The following COLEC10 variants were observed in gnomAD, a reference collection of about 807,000 sequenced individuals.
The protein encoded by COLEC10 is collectin subfamily member 10.
COLEC10 carries 22 observed loss-of-function variants against 28.4 expected under a neutral mutation model. The ratio of observed to expected loss-of-function variants is 0.78; its 90% CI spans 0.55 to 1.11. The LOEUF (loss-of-function observed/expected upper bound fraction) is 1.11. Ranked by LOEUF, COLEC10 falls within the 50% of genes least tolerant of loss-of-function variation. The pLI is 0.00. For synonymous variants in COLEC10, 125 were observed against 116.1 expected (o/e 1.08, Z -0.49); for missense variants, 361 against 344.1 (o/e 1.05, Z -0.39).
the COLEC10 span, among the ~76,000 whole-genome samples, chr8:118,953,116 T>A: frequency 6.6e-6 from 1 of 152,158 alleles, no homozygotes; most frequent in Non-Finnish European, 1.5e-5. Context: ...CCAAGGGACA[T>A]CCTTCCACCA....
At chr8:119,027,725 C>T (rs1326895582) in intron 2 of COLEC10, among the ~76,000 whole-genome samples, 1 of 152,170 alleles carries the variant, frequency 6.6e-6, no homozygotes, top group Non-Finnish European at 1.5e-5. Context: ...AAAATATCTT[C>T]TTTTCTATGA....
chr8:119,096,105 A>G (rs1050881261), intron 3 of COLEC10, among the ~76,000 whole-genome samples: 1 of 152,170 alleles, frequency 6.6e-6, no homozygotes, highest in Non-Finnish European at 1.5e-5. Flanking sequence ...CCTAAAATCA[A>G]TGGTTTATAG....
the COLEC10 span, among the ~76,000 whole-genome samples, chr8:118,980,576 T>C: frequency 6.6e-6 from 1 of 152,104 alleles, no homozygotes; most frequent in Non-Finnish European, 1.5e-5. Context: ...TTGTAGTTTA[T>C]TAAGAGTTGT....
chr8:118,981,276 A>G, the COLEC10 span, among the ~76,000 whole-genome samples: 1 of 151,468 alleles, frequency 6.6e-6, no homozygotes, highest in Non-Finnish European at 1.5e-5. Context: ...TTTTAAAACT[A>G]TCTGCAGAAT....
At chr8:119,088,658 T>C (rs1210634580) in intron 1 of COLEC10, among the ~76,000 whole-genome samples, 1 of 152,222 alleles carries the variant, frequency 6.6e-6, no homozygotes, top group Non-Finnish European at 1.5e-5. Context: ...GTGGTGATAA[T>C]GCAGGTATCT....
intron 3 of COLEC10, among the ~76,000 whole-genome samples, chr8:119,100,933 G>C (rs1815812986): frequency 6.6e-6 from 1 of 152,080 alleles, no homozygotes; most frequent in Non-Finnish European, 1.5e-5. Flanking sequence ...GTTTAGAAAG[G>C]CTCAACAAAT....
At chr8:118,969,337 T>C in the COLEC10 span, among the ~76,000 whole-genome samples, 1 of 152,040 alleles carries the variant, frequency 6.6e-6, no homozygotes, top group Non-Finnish European at 1.5e-5. Context: ...TGTGTGATAC[T>C]ATTGCAGCAA....
chr8:119,065,660 C>T (rs1814939771), upstream of COLEC10, among the ~76,000 whole-genome samples: 1 of 151,826 alleles, frequency 6.6e-6, no homozygotes, highest in African/African-American at 2.4e-5. Flanking sequence ...AGTTGGAGAC[C>T]AGCCTGGCCA....
At chr8:119,023,952 C>T (rs998233543) in intron 2 of COLEC10, among the ~76,000 whole-genome samples, 1 of 152,138 alleles carries the variant, frequency 6.6e-6, no homozygotes, top group Non-Finnish European at 1.5e-5. Flanking sequence ...AAATCAAAAC[C>T]TCATACGCAT....
chr8:118,991,645 A>G (rs1813508104), upstream of COLEC10, among the ~76,000 whole-genome samples: 1 of 152,048 alleles, frequency 6.6e-6, no homozygotes, highest in Admixed American at 6.6e-5. Context: ...TTGCTTTTCC[A>G]CTTGAACATA....
At chr8:118,956,731 T>C in the COLEC10 span, among the ~76,000 whole-genome samples, 1 of 152,180 alleles carries the variant, frequency 6.6e-6, no homozygotes, top group Non-Finnish European at 1.5e-5. Flanking sequence ...CTACACCTAC[T>C]CAGGTTTTCT....
intron 2 of COLEC10, among the ~76,000 whole-genome samples, chr8:119,049,569 C>T (rs1278850762): frequency 6.6e-6 from 1 of 151,760 alleles, no homozygotes; most frequent in Non-Finnish European, 1.5e-5. Context: ...CGCCCACCAC[C>T]ACACCCGGCT....
intron 5 of COLEC10, among the ~76,000 whole-genome samples, chr8:119,104,217 C>T (rs1815895237): frequency 6.6e-6 from 1 of 152,138 alleles, no homozygotes; most frequent in Admixed American, 6.6e-5. Context: ...ACAGAACTAG[C>T]ATCTCAGAAA....
intron 1 of COLEC10, among the ~76,000 whole-genome samples, chr8:119,007,966 A>G (rs1262353445): frequency 6.6e-6 from 1 of 150,848 alleles, no homozygotes; most frequent in African/African-American, 2.5e-5. Flanking sequence ...CAAGGTTGCA[A>G]TTATTACTAT....
intron 2 of COLEC10, among the ~76,000 whole-genome samples, chr8:119,032,408 C>A (rs1461543845): frequency 6.6e-6 from 1 of 152,160 alleles, no homozygotes; most frequent in Non-Finnish European, 1.5e-5. Context: ...AGAGGACAGT[C>A]ACATCACCAA....
At chr8:119,022,900 A>C (rs1308583714) in intron 2 of COLEC10, among the ~76,000 whole-genome samples, 1 of 152,106 alleles carries the variant, frequency 6.6e-6, no homozygotes, top group Non-Finnish European at 1.5e-5. Flanking sequence ...ATCCTCTCTG[A>C]CATCATTTCC....
intron 2 of COLEC10, among the ~76,000 whole-genome samples, chr8:119,059,189 T>C (rs1381307012): frequency 2.0e-5 from 3 of 152,096 alleles, no homozygotes; most frequent in African/African-American, 4.8e-5. Flanking sequence ...TAATGGTATT[T>C]TTTGAAGCAC....
rs138419158 is a variant in COLEC10, at chr8:119,042,450, A to G, written n.235+32897A>G. Among the ~76,000 whole-genome samples the G allele has an allele frequency of 2.0e-3, 302 of 152,230 alleles. 1 individual carries two copies. Among genetic ancestry groups the G allele is most frequent in the African/African-American group, 7.1e-3 (294 of 41,534 alleles). On this transcript the variant is annotated intron_variant and non_coding_transcript_variant, in intron 2 of 6. Coordinates refer to the COLEC10 transcript ENST00000521788. ...TTTATTTGTAAATAGCCGTGTTTTT[A>G]GAGATTTTGCACTAAGGTAGCAGCC... is the stretch of plus-strand genomic sequence containing the variant.
At chr8:119,095,924 G>A (rs1815705789) in intron 3 of COLEC10, among the ~76,000 whole-genome samples, 1 of 152,136 alleles carries the variant, frequency 6.6e-6, no homozygotes, top group South Asian at 2.1e-4. Flanking sequence ...ATTTCATGAA[G>A]AGATAGACAA....
Sources: gnomAD v4.1 joint callset for allele counts (sites outside exome capture counted in the v4.1 genomes callset) on GRCh38, gnomAD v4.1.1 for gene constraint, MANE v1.5 for transcripts, NCBI Gene and HGNC (gene_info 2026-07-23, HGNC 2026-07-21) for gene names.